The following LRRFIP1 variants were observed in gnomAD, a reference collection of about 807,000 sequenced individuals.
The protein encoded by LRRFIP1 is LRR binding FLII interacting protein 1, also known as leucine-rich repeat flightless-interacting protein 1.
A neutral mutation model predicts 104.4 loss-of-function variants in LRRFIP1; 62 were observed. The observed-to-expected ratio is 0.59, with a 90% CI of 0.48 to 0.73. The LOEUF is 0.73. Ranked by LOEUF, LRRFIP1 falls within the 30% of genes least tolerant of loss-of-function variation. The pLI, the probability that LRRFIP1 is intolerant of heterozygous loss-of-function variation, is 0.00. For missense variants in LRRFIP1, 796 were observed against 824.5 expected (o/e 0.97, Z 0.42); for synonymous variants, 300 against 299.0 (o/e 1.00, Z -0.03).
At chr2:237,745,956 C>G (rs986618593) in intron 11 of LRRFIP1, among the ~76,000 whole-genome samples, 30 of 152,070 alleles carry the variant, frequency 2.0e-4, no homozygotes, top group African/African-American at 7.2e-4. Flanking sequence ...GAATAAAAGG[C>G]TTTGGGCCCA....
intron 1 of LRRFIP1, among the ~76,000 whole-genome samples, chr2:237,659,097 A>G (rs138712454): frequency 8.3e-5 from 12 of 145,192 alleles, no homozygotes; most frequent in Non-Finnish European, 1.8e-4. Context: ...TATTATTATT[A>G]TATCTTTTTT....
At chr2:237,747,655 A>C (rs971907245) in intron 11 of LRRFIP1, among the ~76,000 whole-genome samples, 2 of 152,216 alleles carry the variant, frequency 1.3e-5, no homozygotes, top group Non-Finnish European at 2.9e-5. Flanking sequence ...TATGGTCTGC[A>C]GTTGCCGCGC....
intron 22 of LRRFIP1, 53 bp downstream of exon 22, chr2:237,772,998 C>A (rs2150927390): frequency 2.1e-6 from 3 of 1,435,600 alleles, no homozygotes; most frequent in Non-Finnish European, 2.9e-6. Flanking sequence ...GTTTTACTTG[C>A]TAGAAATAGC....
At chr2:237,762,079 C>T (rs922887486) in intron 19 of LRRFIP1, among the ~76,000 whole-genome samples, 5 of 152,220 alleles carry the variant, frequency 3.3e-5, no homozygotes, top group Non-Finnish European at 7.3e-5. Context: ...ATTTCAAAAG[C>T]ATCTTCCTTG....
chr2:237,656,339 G>A (rs1392456829), intron 1 of LRRFIP1, among the ~76,000 whole-genome samples: 1 of 152,050 alleles, frequency 6.6e-6, no homozygotes, highest in Admixed American at 6.6e-5. Flanking sequence ...GCAGGGGTAG[G>A]GCATGAGTTT....
At position 237,755,531 on chromosome 2, in the gene LRRFIP1, A is replaced by G. The variant is rs1314576034; in HGVS notation, c.1039-564A>G. Among the ~76,000 whole-genome samples the G allele has an allele frequency of 2.0e-5, 3 of 152,238 alleles. No individual in the cohort carries two copies. In the East Asian group the frequency reaches 5.8e-4, roughly 29 times the overall value. ...TTCGTCGGCTCTTGCTTCACTGTAG[A>G]TAAGAAATCAGAAAATCCTTGTTGA... is the stretch of plus-strand genomic sequence containing the variant. On this transcript the variant is annotated intron_variant, in intron 15 of 23. Coordinates refer to ENST00000308482, the MANE Select transcript of LRRFIP1 (RefSeq NM_001137550.2).
Position 237,760,217 on chromosome 2 carries a change from C to T in LRRFIP1, c.1459+12C>T. On this transcript the variant is annotated intron_variant, in intron 19 of 23. Coordinates refer to ENST00000308482, the MANE Select transcript of LRRFIP1 (RefSeq NM_001137550.2). ...GGATGGGACCCTAGGTAAGTATTTG[C>T]TTTCCTTCGGCTCCTCACACCTTTC... 5 of 1,613,570 alleles carry T rather than the reference C, an allele frequency of 3.1e-6. No homozygotes were observed. In the South Asian group the frequency reaches 4.4e-5, roughly 14 times the overall value.
chr2:237,645,038 C>T (rs1447607007), intron 1 of LRRFIP1, among the ~76,000 whole-genome samples: 1 of 152,220 alleles, frequency 6.6e-6, no homozygotes, highest in Non-Finnish European at 1.5e-5. Flanking sequence ...TTCTCCCTCT[C>T]CCTGCTCTGG....
intron 1 of LRRFIP1, among the ~76,000 whole-genome samples, chr2:237,678,745 T>C (rs2091464768): frequency 6.6e-6 from 1 of 152,104 alleles, no homozygotes; most frequent in Non-Finnish European, 1.5e-5. Flanking sequence ...TGACCTCAAG[T>C]GATCTGCCTG....
intron 23 of LRRFIP1, among the ~76,000 whole-genome samples, chr2:237,775,411 G>C (rs2060998197): frequency 6.6e-6 from 1 of 152,232 alleles, no homozygotes; most frequent in African/African-American, 2.4e-5. Flanking sequence ...GGAGCAGTGA[G>C]AGCACCTCAG....
At chr2:237,669,157 G>A (rs1057085040) in intron 1 of LRRFIP1, among the ~76,000 whole-genome samples, 1 of 152,196 alleles carries the variant, frequency 6.6e-6, no homozygotes, top group Non-Finnish European at 1.5e-5. Context: ...TTACTGCGGT[G>A]AATAGCATTG....
At chr2:237,724,463 C>T (rs1051317171) in intron 7 of LRRFIP1, among the ~76,000 whole-genome samples, 7 of 152,298 alleles carry the variant, frequency 4.6e-5, no homozygotes, top group Middle Eastern at 3.4e-3. Context: ...TCCTGTGGGA[C>T]GGCTGTTCTG....
At chr2:237,705,517 G>C (rs2093759571) in intron 1 of LRRFIP1, among the ~76,000 whole-genome samples, 1 of 152,092 alleles carries the variant, frequency 6.6e-6, no homozygotes. Context: ...ACAAAAATTA[G>C]CTGGGTGTGG....
At position 237,735,546 on chromosome 2, in the gene LRRFIP1, A is replaced by G; in HGVS notation, c.555+213A>G. The G allele has an allele frequency of 1.9e-6, 1 of 538,974 alleles. No homozygotes were observed. 33.4% of individuals were successfully genotyped at this position (538,974 alleles called of 1,614,324 possible). On this transcript the variant is annotated intron_variant, in intron 10 of 23. Transcript: ENST00000308482. The surrounding 1 kb of genome is among the most constrained non-coding windows in gnomAD (Gnocchi z 4.6). The stretch of plus-strand genomic sequence containing the variant: ...TGTTGGTTTCATGTCCTCACTCATC[A>G]GGGAGAGTAACTTGCACTGAGTTTC...
At chr2:237,664,287 G>T (rs925135422) in intron 1 of LRRFIP1, among the ~76,000 whole-genome samples, 6 of 152,254 alleles carry the variant, frequency 3.9e-5, no homozygotes, top group African/African-American at 1.4e-4. Context: ...AGAGGCCGGC[G>T]GCGTTCTCCA....
chr2:237,629,763 C>T (rs1438863035), intron 1 of LRRFIP1, among the ~76,000 whole-genome samples: 2 of 152,154 alleles, frequency 1.3e-5, no homozygotes, highest in Admixed American at 6.5e-5. Context: ...TAAGCCACTG[C>T]GCCCAGCCTA....
intron 1 of LRRFIP1, among the ~76,000 whole-genome samples, chr2:237,641,322 G>C (rs545022154): frequency 1.0e-3 from 153 of 151,780 alleles, no homozygotes; most frequent in Non-Finnish European, 1.8e-3. Context: ...GACTAGCCTG[G>C]CCAACATGGT....
At chr2:237,673,022 C>A (rs1182776992) in intron 1 of LRRFIP1, among the ~76,000 whole-genome samples, 1 of 152,210 alleles carries the variant, frequency 6.6e-6, no homozygotes, top group East Asian at 1.9e-4. Flanking sequence ...ACAGACTTAC[C>A]ACACACTGTG....
rs1575615018 is a variant in LRRFIP1 at position 237,702,585 on chromosome 2, A to T, written c.97-5959A>T. Reference sequence around the variant, plus strand: ...GACACGGTGGGGGCAGCGCTGCAAAACCCAGCAGCGGGCCACCTTCCAGCA... The same window carrying T: ...GACACGGTGGGGGCAGCGCTGCAAATCCCAGCAGCGGGCCACCTTCCAGCA... On this transcript the variant is annotated intron_variant, in intron 1 of 23. Coordinates refer to ENST00000308482, the MANE Select transcript of LRRFIP1 (RefSeq NM_001137550.2). 2.6e-5 allele frequency among the ~76,000 whole-genome samples: 4 copies of T among 152,070 alleles called. 1 individual carries two copies. In the South Asian group the frequency reaches 8.3e-4, roughly 32 times the overall value.
Sources: allele counts gnomAD v4.1 joint callset (sites outside exome capture counted in the v4.1 genomes callset), GRCh38; gene constraint gnomAD v4.1.1; non-coding constraint Gnocchi (gnomAD v3.1); transcripts MANE v1.5; gene names NCBI Gene and HGNC (gene_info 2026-07-23, HGNC 2026-07-21).